STK24: variants seen among roughly 807,000 people sequenced by gnomAD.
STK24 encodes the protein serine/threonine-protein kinase 24.
In STK24, 21 loss-of-function variants were observed where a neutral mutation model predicts 55.6. That is an observed-to-expected ratio of 0.38 (90% CI 0.27 to 0.54). The LOEUF is 0.54. Ranked by LOEUF, STK24 falls within the 20% of genes least tolerant of loss-of-function variation. The pLI, the probability that STK24 is intolerant of heterozygous loss-of-function variation, is 0.79. For synonymous variants in STK24, 200 were observed against 215.2 expected, an observed-to-expected ratio of 0.93 and a Z score of 0.62; for missense variants, 383 against 538.4, an observed-to-expected ratio of 0.71 and a Z score of 2.86.
chr13:98,558,414 G>A (rs1897329622), intron 1 of STK24, among the ~76,000 whole-genome samples: 1 of 152,198 alleles, frequency 6.6e-6, no homozygotes, highest in African/African-American at 2.4e-5. Flanking sequence ...GAGGAATGCA[G>A]TAAACACCAG....
chr13:98,478,527 C>T (rs573251464), intron 3 of STK24, among the ~76,000 whole-genome samples: 23 of 152,224 alleles, frequency 1.5e-4, no homozygotes, highest in Admixed American at 7.2e-4. Flanking sequence ...ATGCTGAAGC[C>T]ACCCACCAGC....
chr13:98,573,548 T>A lies in STK24; in HGVS notation c.42+3197A>T, dbSNP rs575915420. On this transcript the variant is annotated intron_variant, in intron 1 of 10. Transcript: ENST00000539966. ...GGCTTCAGCAACTTTCATTAAACAT[T>A]TACTTTAAATGGTAACCTCATTCAG... 8.9e-4 allele frequency among the ~76,000 whole-genome samples: 135 copies of A among 152,308 alleles called. 1 individual carries two copies. In the South Asian group the frequency reaches 0.027, roughly 31 times the overall value.
chr13:98,471,896 A>G (rs912093926), intron 5 of STK24, among the ~76,000 whole-genome samples: 6 of 152,182 alleles, frequency 3.9e-5, no homozygotes, highest in East Asian at 1.9e-4. Context: ...CCTGTCCCCA[A>G]TAGCTGGAAG....
chr13:98,576,064 C>A (rs1488594710), intron 1 of STK24: 2 of 984,988 alleles, frequency 2.0e-6, no homozygotes, highest in Non-Finnish European at 2.4e-6. Flanking sequence ...AGTCCAGGGT[C>A]CCGGGGCCGG....
At position 98,564,046 on chromosome 13, in the gene STK24, A is replaced by G. The variant is rs141110819; in HGVS notation, c.42+12699T>C. ...ATAACAGACGACATTATTAAAATAAATGGGGGGGAGAGATAACAGAGAAAT... is the reference window on the plus strand; with the variant it reads ...ATAACAGACGACATTATTAAAATAAGTGGGGGGGAGAGATAACAGAGAAAT... On this transcript the variant is annotated intron_variant, in intron 1 of 10. Transcript: ENST00000539966. 5.9e-5 allele frequency among the ~76,000 whole-genome samples: 9 copies of G among 152,318 alleles called. No individual in the cohort carries two copies. The East Asian group carries it at 1.7e-3, about 29-fold the overall frequency.
At chr13:98,554,545 CCAG>C (rs1897238663) in intron 1 of STK24, among the ~76,000 whole-genome samples, 1 of 152,098 alleles carries the variant, frequency 6.6e-6, no homozygotes, top group Non-Finnish European at 1.5e-5. Context: ...GCATTTTAGG[CCAG>C]CTGCCAGTGG....
intron 10 of STK24, 168 bp downstream of exon 10, chr13:98,457,000 T>C: frequency 2.4e-6 from 2 of 821,724 alleles, no homozygotes; most frequent in East Asian, 2.7e-5. Flanking sequence ...TTCACATTGA[T>C]TTCTAGAATT....
At chr13:98,566,463 G>T (rs1897573256) in intron 1 of STK24, among the ~76,000 whole-genome samples, 1 of 152,184 alleles carries the variant, frequency 6.6e-6, no homozygotes, top group African/African-American at 2.4e-5. Context: ...CCCCAGTGAT[G>T]CTGTTTTCTA....
intron 1 of STK24, among the ~76,000 whole-genome samples, chr13:98,576,491 C>T (rs1897896606): frequency 6.6e-6 from 1 of 152,060 alleles, no homozygotes; most frequent in African/African-American, 2.4e-5. Context: ...GACTAGGCGC[C>T]CGCACCCCCA....
chr13:98,519,648 T>C (rs1169520964), intron 1 of STK24, among the ~76,000 whole-genome samples, 175 bp from the exon 2 acceptor site: 1 of 152,194 alleles, frequency 6.6e-6, no homozygotes, highest in Non-Finnish European at 1.5e-5. Flanking sequence ...GACATAAGAT[T>C]CCTAGGTCTC....
Position 98,545,241 on chromosome 13 carries a change from C to A in STK24, c.43-25768G>T, listed in dbSNP as rs558509828. Among the ~76,000 whole-genome samples the A allele has an allele frequency of 4.6e-5, 7 of 152,356 alleles. No individual in the cohort carries two copies. In the East Asian group the frequency reaches 1.3e-3, roughly 29 times the overall value. On this transcript the variant is annotated intron_variant, in intron 1 of 10. Coordinates refer to ENST00000539966, the MANE Select transcript of STK24 (RefSeq NM_001032296.4). ...CTGAGATGTTAACAGTATGTTCTCT[C>A]TGTTTTTCTGCACTGTCCCAGTTGT...
In STK24 at chr13:98,446,033, C is replaced by G. The variant is rs1892811287; in HGVS notation, c.*7140G>C. ...GCCCAGGGCCCTGGTGCAGGGAGAG[C>G]TGCTCTCTGTGCCCTCCTGGGGCAG... On this transcript the variant is annotated 3_prime_UTR_variant, in exon 11 of 11. Transcript: ENST00000539966. 6.3e-6 allele frequency: 7 copies of G among 1,105,942 alleles called. No individual in the cohort carries two copies. The highest frequency in any genetic ancestry group is 9.6e-6 in the Non-Finnish European group (7 of 726,622). 68.5% of individuals were successfully genotyped at this position (1,105,942 alleles called of 1,614,324 possible).
chr13:98,556,295 A>G (rs1341378452), intron 1 of STK24, among the ~76,000 whole-genome samples: 1 of 152,184 alleles, frequency 6.6e-6, no homozygotes, highest in Admixed American at 6.5e-5. Context: ...AGCTACTGAA[A>G]AAGAGGTGCT....
chr13:98,499,018 G>C (rs558937700), intron 2 of STK24, among the ~76,000 whole-genome samples: 1 of 152,016 alleles, frequency 6.6e-6, no homozygotes, highest in Non-Finnish European at 1.5e-5. Context: ...AGGCTGAAGC[G>C]GGTGGATCAC....
intron 1 of STK24, among the ~76,000 whole-genome samples, chr13:98,567,299 C>A (rs1441257010): frequency 6.6e-6 from 1 of 152,144 alleles, no homozygotes; most frequent in African/African-American, 2.4e-5. Context: ...ACGGGCTATT[C>A]GGCATCTGTG....
At chr13:98,570,970 G>A (rs1432450941) in intron 1 of STK24, among the ~76,000 whole-genome samples, 3 of 152,144 alleles carry the variant, frequency 2.0e-5, no homozygotes, top group Non-Finnish European at 4.4e-5. Context: ...TTCCATTAAT[G>A]ATAATCAGCT....
At chr13:98,559,157 A>T (rs1473201437) in intron 1 of STK24, among the ~76,000 whole-genome samples, 1 of 152,010 alleles carries the variant, frequency 6.6e-6, no homozygotes, top group Non-Finnish European at 1.5e-5. Flanking sequence ...CTGGGCAACA[A>T]GAGCGAACTC....
At chr13:98,530,570 C>G (rs879579423) in intron 1 of STK24, among the ~76,000 whole-genome samples, 1 of 152,152 alleles carries the variant, frequency 6.6e-6, no homozygotes, top group African/African-American at 2.4e-5. Context: ...CATCCGACTC[C>G]AAACACTGAG....
intron 1 of STK24, chr13:98,521,935 C>G: frequency 8.3e-7 from 1 of 1,201,864 alleles, no homozygotes; most frequent in Non-Finnish European, 1.2e-6. Flanking sequence ...TGGCTCTCTG[C>G]CCTTGGCAAC....
Sources: gnomAD v4.1 joint callset for allele counts (sites outside exome capture counted in the v4.1 genomes callset) on GRCh38, gnomAD v4.1.1 for gene constraint, MANE v1.5 for transcripts, NCBI Gene and HGNC (gene_info 2026-07-23, HGNC 2026-07-21) for gene names.